Variants in CR1 observed in about 807,000 individuals in gnomAD.
The protein encoded by CR1 is complement C3b/C4b receptor 1 (Knops blood group), also known as complement receptor type 1.
CR1 carries 116 observed loss-of-function variants against 187.3 expected under a neutral mutation model. The observed-to-expected ratio is 0.62, with a 90% CI of 0.53 to 0.72. The LOEUF is 0.72. Among genes scored for constraint, CR1 ranks in the 30% least tolerant of loss-of-function variants. The pLI, the probability that CR1 is intolerant of heterozygous loss-of-function variation, is 0.00. For synonymous variants in CR1, 576 were observed against 747.1 expected, an observed-to-expected ratio of 0.77 and a Z score of 3.73; for missense variants, 1,731 against 2,110.7, an observed-to-expected ratio of 0.82 and a Z score of 3.52.
rs55930963 is a variant in CR1, at chr1:207,622,127, G to A, written c.7276+131G>A. On this transcript the variant is annotated intron_variant, in intron 44 of 46. Transcript: ENST00000367049. ...TAAAGAGATCAAAATATCTTCAGTT[G>A]TAAGTTCAACTAGAAAGAAAATAAT... 810 of 586,762 alleles carry A rather than the reference G, an allele frequency of 1.4e-3. 8 individuals are homozygous for A. The highest frequency in any genetic ancestry group is 0.012 in the African/African-American group (625 of 51,894). The allele number at this position is 586,762 out of a possible 1,614,324, so 36.3% of individuals were successfully genotyped here.
At chr1:207,574,753 G>T (rs1447279089) in intron 27 of CR1, among the ~76,000 whole-genome samples, 1 of 152,092 alleles carries the variant, frequency 6.6e-6, no homozygotes, top group Non-Finnish European at 1.5e-5. Flanking sequence ...GAGAAAATAG[G>T]TTTAAATATC....
At chr1:207,580,808 G>T (rs1435601488) in intron 31 of CR1, among the ~76,000 whole-genome samples, 195 bp downstream of exon 31, 1 of 152,086 alleles carries the variant, frequency 6.6e-6, no homozygotes, top group Non-Finnish European at 1.5e-5. Context: ...AAGAAAAAAT[G>T]GCGCATATAA....
chr1:207,615,249 A>G (rs747029459), intron 40 of CR1, among the ~76,000 whole-genome samples: 46 of 152,324 alleles, frequency 3.0e-4, no homozygotes, highest in Middle Eastern at 3.4e-3. Flanking sequence ...TAGTGAATGA[A>G]TAGTGAAGAC....
At chr1:207,508,762 T>C (rs1395960419) in intron 3 of CR1, among the ~76,000 whole-genome samples, 2 of 152,078 alleles carry the variant, frequency 1.3e-5, no homozygotes, top group Non-Finnish European at 2.9e-5. Context: ...TCCAAGGGGA[T>C]GGGCTTCCCC....
chr1:207,521,624 C>CTTTTTTTTT (rs139203101), intron 4 of CR1, among the ~76,000 whole-genome samples: 1 of 88,306 alleles, frequency 1.1e-5, no homozygotes, highest in Non-Finnish European at 2.1e-5. Context: ...TGCCCTCTTC[C>CTTTTTTTTT]TTTTTTTTTT....
At chr1:207,568,139 A>G in intron 25 of CR1, 97 bp downstream of exon 25, 3 of 1,595,974 alleles carry the variant, frequency 1.9e-6, no homozygotes, top group Non-Finnish European at 2.6e-6. Flanking sequence ...ATTTGTATGT[A>G]TGCATTTGCC....
Position 207,577,936 on chromosome 1 carries a change from C to T in CR1, c.4669C>T (p.Leu1557Phe), listed in dbSNP as rs772522776. The change falls in exon 29 of 47, where the codon CTT (leucine) becomes TTT (phenylalanine). Residue 1557 changes from leucine to phenylalanine, a missense_variant. Physicochemically the swap from Leu to Phe is conservative, Grantham distance 22. Transcript: ENST00000367049. ...LGSRGRKVFE[L>F]VGEPSIYCTS... ...AAGCAGAGGGAGAAAGGTGTTTGAG[C>T]TTGTGGGTGAGCCCTCCATATACTG... The T allele has an allele frequency of 3.7e-6, 6 of 1,612,052 alleles. No individual in the cohort carries two copies.
At chr1:207,567,281 T>TA (rs11385576) in intron 24 of CR1, among the ~76,000 whole-genome samples, 1 of 149,294 alleles carries the variant, frequency 6.7e-6, no homozygotes, top group Non-Finnish European at 1.5e-5. Context: ...TTTTTTTTTT[T>TA]ATCATGGCCT....
chr1:207,625,204 A>G (rs1453046376), intron 45 of CR1, among the ~76,000 whole-genome samples: 1 of 152,250 alleles, frequency 6.6e-6, no homozygotes, highest in Non-Finnish European at 1.5e-5. Context: ...ACCTGAGACC[A>G]TATACCATTT....
Position 207,640,524 on chromosome 1 carries a change from T to C in CR1, c.*1115T>C. ...AATAAAAATTGAAATGAAAGAATAATTGTTATTATAAAAGTACTAGCTTAC... is the reference window on the plus strand; with the variant it reads ...AATAAAAATTGAAATGAAAGAATAACTGTTATTATAAAAGTACTAGCTTAC... On this transcript the variant is annotated 3_prime_UTR_variant, in exon 47 of 47. Transcript: ENST00000367049. The C allele has an allele frequency of 6.6e-6, 1 of 152,344 alleles. No homozygotes were observed. Among genetic ancestry groups the C allele is most frequent in the South Asian group, 2.1e-4 (1 of 4,824 alleles). 9.4% of individuals were successfully genotyped at this position (152,344 alleles called of 1,614,324 possible).
At chr1:207,593,443 T>C (rs765863856) in intron 35 of CR1, among the ~76,000 whole-genome samples, 3 of 152,224 alleles carry the variant, frequency 2.0e-5, no homozygotes, top group Non-Finnish European at 4.4e-5. Context: ...CTTTACATCT[T>C]ATACAAAAAC....
At chr1:207,578,795 C>G (rs1660846925) in intron 29 of CR1, among the ~76,000 whole-genome samples, 1 of 152,218 alleles carries the variant, frequency 6.6e-6, no homozygotes, top group South Asian at 2.1e-4. Flanking sequence ...GAAATCATAG[C>G]CTCAGAATAG....
intron 1 of CR1, among the ~76,000 whole-genome samples, chr1:207,502,106 T>C (rs1254055886): frequency 6.6e-6 from 1 of 152,186 alleles, no homozygotes; most frequent in Non-Finnish European, 1.5e-5. Context: ...GCAACAAATA[T>C]GCATTGAGTT....
At chr1:207,568,170 T>A (rs944183895) in intron 25 of CR1, 128 bp downstream of exon 25, 1 of 1,484,086 alleles carries the variant, frequency 6.7e-7, no homozygotes, top group Non-Finnish European at 9.2e-7. Context: ...GCCAAACCAA[T>A]GATAGATGGT....
At chr1:207,612,159 A>C in intron 39 of CR1, 118 bp downstream of exon 39, 2 of 1,083,316 alleles carry the variant, frequency 1.8e-6, no homozygotes, top group South Asian at 3.0e-5. Flanking sequence ...AGAGAGATTA[A>C]TTTATGGAAG....
chr1:207,626,577 A>G (rs1326946563), intron 45 of CR1, among the ~76,000 whole-genome samples: 1 of 152,236 alleles, frequency 6.6e-6, no homozygotes, highest in African/African-American at 2.4e-5. Flanking sequence ...AGAGCCATTT[A>G]TCCTGGAGCT....
chr1:207,576,444 G>A (rs568803350), intron 28 of CR1, among the ~76,000 whole-genome samples: 1 of 152,248 alleles, frequency 6.6e-6, no homozygotes. Flanking sequence ...TAAGTATCAT[G>A]TTTATTATAT....
chr1:207,496,258 C>A lies in CR1; in HGVS notation c.-10C>A. 1 of 1,613,884 alleles carries A rather than the reference C, an allele frequency of 6.2e-7. No homozygotes were observed. Among genetic ancestry groups the A allele is most frequent in the Middle Eastern group, 1.7e-4 (1 of 5,986 alleles). On this transcript the variant is annotated 5_prime_UTR_variant, in exon 1 of 47. An upstream open reading frame in the 5' UTR gains an earlier in-frame stop. Coordinates refer to ENST00000367049, the MANE Select transcript of CR1 (RefSeq NM_000651.6). The stretch of plus-strand genomic sequence containing the variant: ...AGATCAAATCTGGTTTGTAGATGTG[C>A]TTGGGGAGAATGGGGGCCTCTTCTC...
chr1:207,506,640 GTTGAGACCTTATGTACTAAAAAAAGTTT>G (rs1659442177), intron 2 of CR1, 46 bp from the exon 3 acceptor site: 1 of 1,235,154 alleles, frequency 8.1e-7, no homozygotes, highest in African/African-American at 1.5e-5. Flanking sequence ...CTACAGGCAG[GTTGAGACCTTATGTACTAAAAAAAGTTT>G]TTAGTTTACT....
Sources: gnomAD v4.1 joint callset for allele counts (sites outside exome capture counted in the v4.1 genomes callset) on GRCh38, gnomAD v4.1.1 for gene constraint, MANE v1.5 for transcripts, NCBI Gene and HGNC (gene_info 2026-07-23, HGNC 2026-07-21) for gene names.